Variants in VPS45 observed in about 807,000 individuals in gnomAD.
VPS45 encodes the protein vacuolar protein sorting 45 homolog.
VPS45 carries 35 observed loss-of-function variants against 75.9 expected under a neutral mutation model. The observed-to-expected ratio is 0.46, with a 90% confidence interval of 0.35 to 0.61. VPS45 has a LOEUF of 0.61. VPS45 is among the 20% of genes least tolerant of loss of function. The pLI is 0.00. For missense variants in VPS45, 559 were observed against 685.9 expected, an observed-to-expected ratio of 0.81 and a Z score of 2.07; for synonymous variants, 220 against 238.2, an observed-to-expected ratio of 0.92 and a Z score of 0.70.
At chr1:150,069,789 A>T (rs1243928469) in intron 2 of VPS45, among the ~76,000 whole-genome samples, 2 of 152,048 alleles carry the variant, frequency 1.3e-5, no homozygotes, top group Non-Finnish European at 2.9e-5. Context: ...CATGTTCTTC[A>T]ACTCTAATGC....
rs888064573 is a variant in VPS45, at chr1:150,083,039, A to G, written c.1104+156A>G. ...AATTAATATTATTTAAGATAGATCTATAAAAAGAGTCACAAGAGAAGTGTA... is the reference window on the plus strand; with the variant it reads ...AATTAATATTATTTAAGATAGATCTGTAAAAAGAGTCACAAGAGAAGTGTA... On this transcript the variant is annotated intron_variant, in intron 10 of 14. Coordinates refer to ENST00000644510, the MANE Select transcript of VPS45 (RefSeq NM_007259.5). 29 of 766,466 alleles carry G rather than the reference A, an allele frequency of 3.8e-5. No homozygotes were observed. The African/African-American group carries it at 5.2e-4, about 14-fold the overall frequency. 47.5% of individuals were successfully genotyped at this position (766,466 alleles called of 1,614,324 possible). A position where few individuals can be genotyped will look rare whatever the true frequency, so the allele number is the denominator to read the frequency against.
At chr1:150,090,922 C>T (rs1431581296) in intron 10 of VPS45, among the ~76,000 whole-genome samples, 1 of 152,202 alleles carries the variant, frequency 6.6e-6, no homozygotes, top group Non-Finnish European at 1.5e-5. Context: ...CTTGAAGCTA[C>T]AAAACCAGAT....
chr1:150,100,087 CAT>C (rs782395423), intron 13 of VPS45, among the ~76,000 whole-genome samples: 2 of 152,134 alleles, frequency 1.3e-5, no homozygotes, highest in Non-Finnish European at 2.9e-5. Context: ...TAGAAAACCC[CAT>C]AGTCTCAGCT....
In VPS45 at chr1:150,096,584, A is replaced by T. The variant is rs781982841; in HGVS notation, c.1493+2936A>T. On this transcript the variant is annotated intron_variant, in intron 13 of 14. Transcript: ENST00000644510. ...TAAAGTCACTGACAATCTTGAAAAG[A>T]GAAGGAGAAAAAGGAGGACAAATAA... Among the ~76,000 whole-genome samples the T allele has an allele frequency of 4.6e-5, 7 of 152,286 alleles. No homozygotes were observed. The South Asian group carries it at 1.0e-3, about 23-fold the overall frequency.
intron 14 of VPS45, among the ~76,000 whole-genome samples, chr1:150,118,749 C>T (rs1370632929): frequency 2.6e-5 from 4 of 152,168 alleles, no homozygotes; most frequent in African/African-American, 9.7e-5. Context: ...TAAGGCAGTC[C>T]TGCGAAGGCC....
chr1:150,115,196 A>G (rs2101618316), intron 14 of VPS45, among the ~76,000 whole-genome samples: 1 of 152,112 alleles, frequency 6.6e-6, no homozygotes, highest in East Asian at 1.9e-4. Flanking sequence ...TCTATTCTTC[A>G]GGTCTCTTAA....
intron 14 of VPS45, among the ~76,000 whole-genome samples, chr1:150,123,723 A>G (rs943716220): frequency 6.6e-6 from 1 of 152,194 alleles, no homozygotes; most frequent in African/African-American, 2.4e-5. Flanking sequence ...AACCCAATCC[A>G]TATAGATGGA....
chr1:150,129,446 G>GA (rs1226150653), intron 14 of VPS45, among the ~76,000 whole-genome samples: 1 of 151,720 alleles, frequency 6.6e-6, no homozygotes, highest in Non-Finnish European at 1.5e-5. Flanking sequence ...ATTCCTGTAG[G>GA]AAAAAAAATT....
chr1:150,114,802 T>C (rs1553807920), intron 14 of VPS45, among the ~76,000 whole-genome samples: 1 of 151,250 alleles, frequency 6.6e-6, no homozygotes, highest in Non-Finnish European at 1.5e-5. Context: ...TCCCAGCTAC[T>C]TGGGAGGCTG....
chr1:150,140,249 C>CCAG (rs1291619934), intron 14 of VPS45, among the ~76,000 whole-genome samples: 6 of 152,142 alleles, frequency 3.9e-5, no homozygotes, highest in African/African-American at 1.4e-4. Context: ...CTCCAATACT[C>CCAG]CTTTTTTAAA....
chr1:150,114,393 G>A (rs1037935588), intron 14 of VPS45, among the ~76,000 whole-genome samples: 2 of 151,820 alleles, frequency 1.3e-5, no homozygotes, highest in Admixed American at 6.6e-5. Context: ...GCTTGAACCG[G>A]GGAGGTGGAG....
intron 6 of VPS45, 53 bp downstream of exon 6, chr1:150,077,284 A>C: frequency 6.4e-7 from 1 of 1,571,510 alleles, no homozygotes; most frequent in South Asian, 1.2e-5. Flanking sequence ...TCATTTCTCT[A>C]TCATATTTCA....
chr1:150,098,711 T>C (rs1656803243), intron 13 of VPS45: 1 of 296,466 alleles, frequency 3.4e-6, no homozygotes, highest in South Asian at 7.0e-5. Context: ...CTGGTGGAAA[T>C]TTTTTTAGCC....
chr1:150,084,386 A>T lies in VPS45; in HGVS notation c.1104+1503A>T, dbSNP rs140089174. ...AAAAACAGGTCAGAGAGACTTGTAGACTTACAGTGATAGTAGTAAAAATGT... is the reference window on the plus strand; with the variant it reads ...AAAAACAGGTCAGAGAGACTTGTAGTCTTACAGTGATAGTAGTAAAAATGT... On this transcript the variant is annotated intron_variant, in intron 10 of 14. Coordinates refer to ENST00000644510, the MANE Select transcript of VPS45 (RefSeq NM_007259.5). 3.3e-5 allele frequency among the ~76,000 whole-genome samples: 5 copies of T among 152,256 alleles called. No individual in the cohort carries two copies. The East Asian group carries it at 9.6e-4, about 29-fold the overall frequency.
At chr1:150,077,350 C>T (rs1235958414) in intron 6 of VPS45, 119 bp downstream of exon 6, 30 of 1,277,390 alleles carry the variant, frequency 2.3e-5, no homozygotes, top group Admixed American at 1.4e-4. Context: ...GTTAGGTTTC[C>T]GCGAAAAGAG....
At chr1:150,081,261 T>G in intron 7 of VPS45, 81 bp from the exon 8 acceptor site, 1 of 1,344,286 alleles carries the variant, frequency 7.4e-7, no homozygotes, top group Non-Finnish European at 1.0e-6. Flanking sequence ...AAGAATGTTA[T>G]CAGTTTTTAT....
At chr1:150,133,845 T>C (rs1191952863) in intron 14 of VPS45, among the ~76,000 whole-genome samples, 1 of 152,216 alleles carries the variant, frequency 6.6e-6, no homozygotes, top group Non-Finnish European at 1.5e-5. Context: ...TGAGGGTAAT[T>C]TTTTCCTTTC....
Position 150,076,296 on chromosome 1 carries a change from T to G in VPS45, c.353T>G (p.Val118Gly), listed in dbSNP as rs1298740891. 6.2e-7 allele frequency: 1 copy of G among 1,606,936 alleles called. No homozygotes were observed. Among genetic ancestry groups the G allele is most frequent in the East Asian group, 2.2e-5 (1 of 44,560 alleles). ...KSLAEADEQE[V>G]VAEVQEFYGD... The stretch of plus-strand genomic sequence containing the variant: ...TTGGCTGAAGCTGATGAACAGGAAG[T>G]TGTGGCTGAGGTTCAGGTAAACATA... The change falls in exon 4 of 15, where the codon GTT becomes GGT. Residue 118 changes from valine (V) to glycine (G), a missense_variant. Transcript: ENST00000644510.
At chr1:150,080,931 C>T (rs1358607914) in intron 7 of VPS45, among the ~76,000 whole-genome samples, 1 of 152,184 alleles carries the variant, frequency 6.6e-6, no homozygotes, top group East Asian at 1.9e-4. Context: ...TGCAAGAACA[C>T]ACTTCTCATG....
Sources: allele counts gnomAD v4.1 joint callset (sites outside exome capture counted in the v4.1 genomes callset), GRCh38; gene constraint gnomAD v4.1.1; transcripts MANE v1.5; gene names NCBI Gene and HGNC (gene_info 2026-07-23, HGNC 2026-07-21).